The following PAK2 variants were observed in gnomAD, a reference collection of about 807,000 sequenced individuals.
PAK2 encodes serine/threonine-protein kinase PAK 2.
PAK2 carries 21 observed loss-of-function variants against 65.9 expected under a neutral mutation model. The ratio of observed to expected loss-of-function variants is 0.32; its 90% CI spans 0.23 to 0.46. The LOEUF (loss-of-function observed/expected upper bound fraction) is 0.46. Ranked by LOEUF, PAK2 falls within the 20% of genes least tolerant of loss-of-function variation. The pLI, the probability that PAK2 is intolerant of heterozygous loss-of-function variation, is 1.00. For missense variants in PAK2, 324 were observed against 642.6 expected (o/e 0.50, Z 5.36); for synonymous variants, 204 against 219.7 (o/e 0.93, Z 0.63).
At chr3:196,812,109 C>T (rs1007026357) in intron 8 of PAK2, 110 bp from the exon 9 acceptor site, 1 of 708,956 alleles carries the variant, frequency 1.4e-6, no homozygotes, top group African/African-American at 1.8e-5. Flanking sequence ...CACGTTAGGT[C>T]ATCCTGTTCT....
intron 1 of PAK2, among the ~76,000 whole-genome samples, chr3:196,780,851 C>T (rs559453018): frequency 1.3e-5 from 2 of 152,254 alleles, no homozygotes; most frequent in Non-Finnish European, 2.9e-5. Context: ...TGCAGTGGCG[C>T]AATCTCGGCT....
intron 13 of PAK2, among the ~76,000 whole-genome samples, chr3:196,824,831 A>G (rs1475687956): frequency 6.6e-6 from 1 of 151,906 alleles, no homozygotes; most frequent in Non-Finnish European, 1.5e-5. Flanking sequence ...AAACAAGACC[A>G]TAGGACTGTG....
chr3:196,808,888 A>G (rs557393425), intron 7 of PAK2, among the ~76,000 whole-genome samples: 2 of 151,910 alleles, frequency 1.3e-5, no homozygotes, highest in South Asian at 2.1e-4. Context: ...AAAATTAACA[A>G]TTAAAGAATG....
chr3:196,756,046 A>C (rs547897809), intron 1 of PAK2, among the ~76,000 whole-genome samples: 1 of 152,092 alleles, frequency 6.6e-6, no homozygotes, highest in South Asian at 2.1e-4. Context: ...GAGCCACCGC[A>C]CCCGGCCCCT....
rs1715069640 is a variant in PAK2, at chr3:196,791,595, C to G, written c.187+8762C>G. Among the ~76,000 whole-genome samples, 1 of 151,866 alleles carries G rather than the reference C, an allele frequency of 6.6e-6. No homozygotes were observed. The highest frequency in any genetic ancestry group is 2.4e-5 in the African/African-American group (1 of 41,348). ...TATATTTTTTTCTTATTTTATATTT[C>G]TTATTTCAGAATGTTTTTTCTTTAT... is the stretch of plus-strand genomic sequence containing the variant. On this transcript the variant is annotated intron_variant, in intron 2 of 14. Transcript: ENST00000327134. This position sits in a 1 kb window ranked among gnomAD's most constrained non-coding sequence, Gnocchi z 4.0.
rs1311473645 is a variant in PAK2 at position 196,740,815 on chromosome 3, TAA to T, written c.-22+659_-22+660del. On this transcript the variant is annotated intron_variant, in intron 1 of 14. Transcript: ENST00000327134. ...CTTCTTTAGATAACTTAGGTGAAGT[TAA>T]GATTGGTTTTTCACCATGTTTGGCT... 2.6e-4 allele frequency among the ~76,000 whole-genome samples: 40 copies of T among 152,166 alleles called. 1 individual carries two copies. Among genetic ancestry groups the T allele is most frequent in the Non-Finnish European group, 2.6e-4 (18 of 68,038 alleles).
At chr3:196,780,314 G>A (rs533045452) in intron 1 of PAK2, among the ~76,000 whole-genome samples, 10 of 152,296 alleles carry the variant, frequency 6.6e-5, no homozygotes, top group African/African-American at 2.4e-4. Context: ...CTGAGACCGG[G>A]CCATTTACAG....
At chr3:196,759,229 T>G (rs1255303211) in intron 1 of PAK2, among the ~76,000 whole-genome samples, 3 of 152,164 alleles carry the variant, frequency 2.0e-5, no homozygotes, top group Non-Finnish European at 4.4e-5. Context: ...CCAGTGATGC[T>G]TCCACTCTTC....
intron 2 of PAK2, among the ~76,000 whole-genome samples, chr3:196,784,231 T>C (rs1714808788): frequency 4.1e-5 from 5 of 122,876 alleles, no homozygotes; most frequent in Admixed American, 3.6e-4. Flanking sequence ...TTCTTTTTTT[T>C]TTTTTTAATT....
intron 10 of PAK2, among the ~76,000 whole-genome samples, chr3:196,814,135 C>T (rs77051181): frequency 0.044 from 6,751 of 152,210 alleles, 179 homozygotes; most frequent in African/African-American, 0.069. Context: ...CACTTCACCT[C>T]TCCAAGCCTT....
intron 1 of PAK2, among the ~76,000 whole-genome samples, chr3:196,748,065 C>T (rs1431675119): frequency 6.6e-6 from 1 of 152,086 alleles, no homozygotes; most frequent in Non-Finnish European, 1.5e-5. Flanking sequence ...ATATACTATT[C>T]TGTTTTACAG....
At chr3:196,815,607 T>C (rs1328479275) in intron 11 of PAK2, among the ~76,000 whole-genome samples, 1 of 151,146 alleles carries the variant, frequency 6.6e-6, no homozygotes, top group Non-Finnish European at 1.5e-5. Flanking sequence ...ACCAACACGG[T>C]GAAACCCCGT....
rs373562161 is a variant in PAK2, at chr3:196,821,128, A to G, written c.1350+561A>G. On this transcript the variant is annotated intron_variant, in intron 13 of 14. Coordinates refer to ENST00000327134, the MANE Select transcript of PAK2 (RefSeq NM_002577.4). ...AGTGCTGGCATTACAGGTGTGAACA[A>G]CTGCACCTGGCCACTTCTCTTTTTT... is the stretch of plus-strand genomic sequence containing the variant. Among the ~76,000 whole-genome samples, 8 of 152,242 alleles carry G rather than the reference A, an allele frequency of 5.3e-5. No homozygotes were observed. The South Asian group carries it at 1.7e-3, about 32-fold the overall frequency.
intron 10 of PAK2, among the ~76,000 whole-genome samples, chr3:196,813,930 C>T (rs1235898104): frequency 6.6e-6 from 1 of 152,122 alleles, no homozygotes; most frequent in African/African-American, 2.4e-5. Context: ...AGCCTGGCAA[C>T]AGAGCAAGAC....
chr3:196,804,763 C>T (rs1477426035), intron 4 of PAK2, among the ~76,000 whole-genome samples: 2 of 151,504 alleles, frequency 1.3e-5, no homozygotes, highest in African/African-American at 4.9e-5. Context: ...GCCACCGCGC[C>T]CGGCCTGTGC....
chr3:196,827,426 C>T (rs1711914745), intron 14 of PAK2, 93 bp downstream of exon 14: 3 of 1,524,974 alleles, frequency 2.0e-6, no homozygotes, highest in East Asian at 2.3e-5. Context: ...GATTTCACTA[C>T]TCATTGATCA....
intron 1 of PAK2, among the ~76,000 whole-genome samples, chr3:196,774,983 T>C (rs967332103): frequency 6.6e-6 from 1 of 152,164 alleles, no homozygotes; most frequent in Non-Finnish European, 1.5e-5. Context: ...ACATAGAGAC[T>C]GAGAGAAATC....
intron 1 of PAK2, among the ~76,000 whole-genome samples, chr3:196,753,004 G>A (rs575989561): frequency 2.7e-5 from 4 of 147,874 alleles, no homozygotes; most frequent in Non-Finnish European, 3.0e-5. Flanking sequence ...TTTTTGAGAC[G>A]GAGTCTCCCT....
chr3:196,815,655 T>C (rs970202525), intron 11 of PAK2, among the ~76,000 whole-genome samples: 14 of 151,800 alleles, frequency 9.2e-5, no homozygotes, highest in Admixed American at 5.9e-4. Context: ...GGTGTGGTGG[T>C]ACGCGCCTGT....
Sources: gnomAD v4.1 joint callset for allele counts (sites outside exome capture counted in the v4.1 genomes callset) on GRCh38, gnomAD v4.1.1 for gene constraint, Gnocchi (gnomAD v3.1) non-coding constraint, MANE v1.5 for transcripts, NCBI Gene and HGNC (gene_info 2026-07-23, HGNC 2026-07-21) for gene names.